Variants in RSF1 observed in about 807,000 individuals in gnomAD.
RSF1 encodes remodeling and spacing factor 1.
RSF1 carries 13 observed loss-of-function variants against 145.2 expected under a neutral mutation model. That is an observed-to-expected ratio of 0.09 (90% CI 0.06 to 0.14). RSF1 has a LOEUF of 0.14. RSF1 is among the 10% of genes least tolerant of loss of function. RSF1 has a pLI of 1.00. For missense variants in RSF1, 1,517 were observed against 1,718.2 expected (o/e 0.88, Z 2.07); for synonymous variants, 577 against 592.6 (o/e 0.97, Z 0.38).
At chr11:77,779,383 A>AT (rs1565178107) in intron 1 of RSF1, among the ~76,000 whole-genome samples, 63 of 138,622 alleles carry the variant, frequency 4.5e-4, no homozygotes, top group African/African-American at 1.7e-3. Flanking sequence ...TTCTAAAAAA[A>AT]ATTTTTTTTT....
chr11:77,790,226 G>A (rs1035945761), intron 1 of RSF1, among the ~76,000 whole-genome samples: 2 of 152,184 alleles, frequency 1.3e-5, no homozygotes, highest in Admixed American at 6.5e-5. Flanking sequence ...TAGAAGGCAA[G>A]GAGGAGCAAG....
At chr11:77,708,675 G>T (rs1297818176) in intron 5 of RSF1, among the ~76,000 whole-genome samples, 3 of 152,116 alleles carry the variant, frequency 2.0e-5, no homozygotes, top group African/African-American at 4.8e-5. Flanking sequence ...AGCTCTTCAA[G>T]GCCATCCCAT....
intron 2 of RSF1, among the ~76,000 whole-genome samples, chr11:77,758,444 G>A (rs1306845157): frequency 6.6e-6 from 1 of 152,088 alleles, no homozygotes; most frequent in African/African-American, 2.4e-5. Context: ...TTGAGTCCCT[G>A]CTCTGGAGTA....
At chr11:77,699,272 T>C (rs760673985) in intron 6 of RSF1, among the ~76,000 whole-genome samples, 5 of 152,228 alleles carry the variant, frequency 3.3e-5, no homozygotes, top group Non-Finnish European at 7.4e-5. Context: ...TCCTGACAAA[T>C]GTAAAAATAT....
the RSF1 span, among the ~76,000 whole-genome samples, chr11:77,827,065 A>G: frequency 2.0e-5 from 3 of 152,010 alleles, no homozygotes; most frequent in African/African-American, 7.2e-5. Flanking sequence ...AGATGGGGCC[A>G]CTGCACTTCA....
chr11:77,775,480 G>A (rs1176773536), intron 1 of RSF1, among the ~76,000 whole-genome samples: 2 of 152,168 alleles, frequency 1.3e-5, no homozygotes, highest in Non-Finnish European at 2.9e-5. Flanking sequence ...TTAAGGGGAG[G>A]AAAGGGAAAG....
At chr11:77,756,909 A>T (rs1261167502) in intron 2 of RSF1, among the ~76,000 whole-genome samples, 1 of 152,220 alleles carries the variant, frequency 6.6e-6, no homozygotes, top group African/African-American at 2.4e-5. Flanking sequence ...AGAGAGGAAG[A>T]GACAATCGTA....
At position 77,706,268 on chromosome 11, in the gene RSF1, T is replaced by A. The variant is rs990609244; in HGVS notation, c.734-3773A>T. 6.6e-5 allele frequency among the ~76,000 whole-genome samples: 10 copies of A among 150,548 alleles called. 1 individual carries two copies. Among genetic ancestry groups the A allele is most frequent in the Non-Finnish European group, 1.3e-4 (9 of 67,652 alleles). On this transcript the variant is annotated intron_variant, in intron 5 of 15. Transcript: ENST00000308488. ...AAAAAAAAAAAAAAAAAATTAAGAC[T>A]CTCAAAGAGTCAGACAAACCTTAAC...
At chr11:77,734,227 T>TA (rs1014307076) in intron 4 of RSF1, among the ~76,000 whole-genome samples, 11 of 146,250 alleles carry the variant, frequency 7.5e-5, no homozygotes, top group African/African-American at 2.6e-4. Context: ...TGTTTCAACT[T>TA]AAAGTATAAT....
At position 77,740,714 on chromosome 11, in the gene RSF1, G is replaced by A. The variant is rs746751005; in HGVS notation, c.578+17C>T. On this transcript the variant is annotated intron_variant, in intron 4 of 15. Coordinates refer to ENST00000308488, the MANE Select transcript of RSF1 (RefSeq NM_016578.4). ...AAAACACACAAATAAGTGTAAAAAG[G>A]TTCCAATAAAAGATACCTGACAATG... 2.6e-5 allele frequency: 41 copies of A among 1,598,080 alleles called. No homozygotes were observed. Among genetic ancestry groups the A allele is most frequent in the South Asian group, 2.3e-4 (21 of 90,696 alleles).
intron 9 of RSF1, among the ~76,000 whole-genome samples, chr11:77,688,874 A>G (rs1960077879): frequency 6.6e-6 from 1 of 152,254 alleles, no homozygotes; most frequent in African/African-American, 2.4e-5. Flanking sequence ...ATTACGAGCC[A>G]GAGTGCTCAA....
At chr11:77,726,426 A>T (rs1277957477) in intron 4 of RSF1, among the ~76,000 whole-genome samples, 1 of 152,150 alleles carries the variant, frequency 6.6e-6, no homozygotes, top group Non-Finnish European at 1.5e-5. Flanking sequence ...TCAGCCTCCC[A>T]AGTAGCTAGG....
intron 1 of RSF1, among the ~76,000 whole-genome samples, chr11:77,776,276 T>TG: frequency 6.6e-6 from 1 of 152,206 alleles, no homozygotes; most frequent in East Asian, 1.9e-4. Context: ...GATTCCTTTA[T>TG]GATTCAAAAC....
At chr11:77,847,709 A>T in the RSF1 span, among the ~76,000 whole-genome samples, 1 of 152,226 alleles carries the variant, frequency 6.6e-6, no homozygotes, top group Non-Finnish European at 1.5e-5. Context: ...TGCAGAACTT[A>T]GTTTATATTG....
chr11:77,865,179 T>C, the RSF1 span, among the ~76,000 whole-genome samples: 2 of 152,278 alleles, frequency 1.3e-5, no homozygotes, highest in East Asian at 1.9e-4. Flanking sequence ...TAACTAGTCA[T>C]GGTTTAGTTT....
chr11:77,714,249 G>A (rs1960753788), intron 5 of RSF1, among the ~76,000 whole-genome samples: 1 of 152,058 alleles, frequency 6.6e-6, no homozygotes, highest in Non-Finnish European at 1.5e-5. Context: ...GAATTCATGA[G>A]GCCCATAGTA....
At chr11:77,711,996 T>C (rs1960696676) in intron 5 of RSF1, among the ~76,000 whole-genome samples, 1 of 144,922 alleles carries the variant, frequency 6.9e-6, no homozygotes, top group African/African-American at 2.7e-5. Context: ...GTGTTTTCTC[T>C]AGATTAGATT....
Position 77,721,895 on chromosome 11 carries a change from G to A in RSF1, c.733+3650C>T, listed in dbSNP as rs534437694. ...AGAAAAGCAAAAGAGAAGGTAGGCT[G>A]TGCGCAGTTGCTCACATCTGTAATC... On this transcript the variant is annotated intron_variant, in intron 5 of 15. Transcript: ENST00000308488. 1.2e-4 allele frequency among the ~76,000 whole-genome samples: 18 copies of A among 152,342 alleles called. No homozygotes were observed. In the South Asian group the frequency reaches 3.5e-3, roughly 30 times the overall value.
intron 5 of RSF1, among the ~76,000 whole-genome samples, chr11:77,704,751 TG>T (rs1329580845): frequency 2.2e-5 from 3 of 135,202 alleles, no homozygotes; most frequent in South Asian, 2.3e-4. Flanking sequence ...GTGTTTGCCT[TG>T]GTTTTTTTTT....
Sources: allele counts gnomAD v4.1 joint callset (sites outside exome capture counted in the v4.1 genomes callset), GRCh38; gene constraint gnomAD v4.1.1; transcripts MANE v1.5; gene names NCBI Gene and HGNC (gene_info 2026-07-23, HGNC 2026-07-21).